Variants in PDE11A observed in about 807,000 individuals in gnomAD.
PDE11A encodes the protein dual 3',5'-cyclic-AMP and -GMP phosphodiesterase 11A.
In PDE11A, 100 loss-of-function variants were observed where a neutral mutation model predicts 100.5. That is an observed-to-expected ratio of 1.00 (90% confidence interval 0.85 to 1.18). The LOEUF is 1.18. Ranked by LOEUF, PDE11A falls within the 50% of genes most tolerant of loss-of-function variation. The pLI, the probability that PDE11A is intolerant of heterozygous loss-of-function variation, is 0.00. For missense variants in PDE11A, 1,141 were observed against 1,152.6 expected (o/e 0.99, Z 0.15); for synonymous variants, 381 against 420.8 (o/e 0.91, Z 1.16).
At chr2:177,756,691 C>T (rs1215206034) in intron 10 of PDE11A, among the ~76,000 whole-genome samples, 1 of 152,190 alleles carries the variant, frequency 6.6e-6, no homozygotes, top group Non-Finnish European at 1.5e-5. Flanking sequence ...TCACTCAGCA[C>T]AGGAATTGTT....
chr2:177,767,518 A>G (rs1319276877), intron 10 of PDE11A, among the ~76,000 whole-genome samples: 3 of 152,208 alleles, frequency 2.0e-5, no homozygotes, highest in Non-Finnish European at 4.4e-5. Flanking sequence ...TAAACATTAC[A>G]TTAGCATTTT....
chr2:177,936,049 T>C (rs987784634), intron 2 of PDE11A, among the ~76,000 whole-genome samples: 6 of 152,172 alleles, frequency 3.9e-5, no homozygotes, highest in Non-Finnish European at 8.8e-5. Context: ...TTCTAAGACA[T>C]CTATGTATTT....
At chr2:177,668,450 G>A (rs1364804350) in intron 18 of PDE11A, among the ~76,000 whole-genome samples, 3 of 152,154 alleles carry the variant, frequency 2.0e-5, no homozygotes, top group Non-Finnish European at 4.4e-5. Flanking sequence ...AAAAAGGGAT[G>A]TTTTGAGAAA....
chr2:177,933,036 C>A (rs954238915), intron 2 of PDE11A, among the ~76,000 whole-genome samples: 1 of 149,776 alleles, frequency 6.7e-6, no homozygotes, highest in Non-Finnish European at 1.5e-5. Flanking sequence ...AAGCTGAGAG[C>A]CAAATCAAGA....
At chr2:177,679,825 T>G (rs1479176626) in intron 16 of PDE11A, among the ~76,000 whole-genome samples, 3 of 151,640 alleles carry the variant, frequency 2.0e-5, no homozygotes, top group African/African-American at 7.3e-5. Context: ...TAGAGCCAGG[T>G]TGGGGTAAGG....
intron 2 of PDE11A, among the ~76,000 whole-genome samples, chr2:177,919,334 T>C (rs2085003380): frequency 6.6e-6 from 1 of 152,102 alleles, no homozygotes; most frequent in South Asian, 2.1e-4. Flanking sequence ...TTTGACCTCG[T>C]GATCCGCCCA....
intron 1 of PDE11A, among the ~76,000 whole-genome samples, chr2:178,070,686 A>G (rs2087114420): frequency 6.6e-6 from 1 of 152,238 alleles, no homozygotes; most frequent in African/African-American, 2.4e-5. Context: ...AAAGGCTCAG[A>G]AAACCCAGAT....
At chr2:178,067,434 C>A (rs1197745083) in intron 1 of PDE11A, among the ~76,000 whole-genome samples, 1 of 152,126 alleles carries the variant, frequency 6.6e-6, no homozygotes, top group Non-Finnish European at 1.5e-5. Context: ...CATATATATG[C>A]AATATGCAAT....
At chr2:177,985,459 A>AT (rs372045661) in intron 2 of PDE11A, among the ~76,000 whole-genome samples, 2 of 152,224 alleles carry the variant, frequency 1.3e-5, no homozygotes, top group African/African-American at 4.8e-5. Context: ...GAACACAGGC[A>AT]TAACAGAGGT....
At chr2:177,755,078 A>C (rs1335358965) in intron 10 of PDE11A, among the ~76,000 whole-genome samples, 2 of 152,192 alleles carry the variant, frequency 1.3e-5, no homozygotes, top group Non-Finnish European at 2.9e-5. Flanking sequence ...ACAGTGTTCA[A>C]ACACAAGAGA....
At chr2:178,062,298 T>G (rs1321093542) in intron 1 of PDE11A, among the ~76,000 whole-genome samples, 1 of 140,674 alleles carries the variant, frequency 7.1e-6, no homozygotes, top group African/African-American at 2.7e-5. Context: ...GATGGGGAAG[T>G]GAGAGAATCT....
At chr2:177,953,536 C>T (rs137952557) in intron 2 of PDE11A, among the ~76,000 whole-genome samples, 52 of 152,274 alleles carry the variant, frequency 3.4e-4, no homozygotes, top group African/African-American at 1.2e-3. Flanking sequence ...ACTGAGAAAG[C>T]ATTATGACTA....
At chr2:177,671,021 T>C (rs552139804) in intron 17 of PDE11A, among the ~76,000 whole-genome samples, 156 of 152,318 alleles carry the variant, frequency 1.0e-3, no homozygotes, top group Non-Finnish European at 1.8e-3. Context: ...CAGGCTTCTC[T>C]CTTCTTTCTC....
intron 6 of PDE11A, among the ~76,000 whole-genome samples, chr2:177,836,810 G>A (rs1232456791): frequency 6.6e-6 from 1 of 152,146 alleles, no homozygotes; most frequent in Non-Finnish European, 1.5e-5. Context: ...CACCTGAAGA[G>A]CTGTAACACT....
intron 10 of PDE11A, among the ~76,000 whole-genome samples, chr2:177,759,482 A>T (rs1558924401): frequency 6.6e-6 from 1 of 152,200 alleles, no homozygotes; most frequent in Non-Finnish European, 1.5e-5. Flanking sequence ...CAAGTGCTTT[A>T]TCATGAAACT....
At chr2:177,944,814 C>T (rs571119264) in intron 2 of PDE11A, among the ~76,000 whole-genome samples, 2 of 123,996 alleles carry the variant, frequency 1.6e-5, no homozygotes, top group African/African-American at 5.8e-5. Context: ...CTCTCCCTCT[C>T]CCTCTCCCTC....
At chr2:177,804,972 T>C (rs1459214701) in intron 9 of PDE11A, among the ~76,000 whole-genome samples, 2 of 151,774 alleles carry the variant, frequency 1.3e-5, no homozygotes, top group East Asian at 3.9e-4. Flanking sequence ...AAATTACCTA[T>C]TAGATACAAT....
At chr2:177,908,366 T>C (rs2084823829) in intron 2 of PDE11A, among the ~76,000 whole-genome samples, 2 of 152,104 alleles carry the variant, frequency 1.3e-5, no homozygotes, top group Admixed American at 1.3e-4. Flanking sequence ...AGGGAAATCC[T>C]AGGTAGAGAG....
In PDE11A at chr2:177,982,116, C is replaced by T. The variant is rs754325020; in HGVS notation, c.1071+32186G>A. ...TGTACTAATCACGAATGGAAGAGAA[C>T]GGCTCTTTAATGGAACTTCAATGAA... On this transcript the variant is annotated intron_variant, in intron 2 of 19. Coordinates refer to ENST00000286063, the MANE Select transcript of PDE11A (RefSeq NM_016953.4). Among the ~76,000 whole-genome samples, 10 of 150,972 alleles carry T rather than the reference C, an allele frequency of 6.6e-5. 1 individual carries two copies. The highest frequency in any genetic ancestry group is 1.2e-4 in the Non-Finnish European group (8 of 67,390).
Sources: gnomAD v4.1 joint callset for allele counts (sites outside exome capture counted in the v4.1 genomes callset) on GRCh38, gnomAD v4.1.1 for gene constraint, MANE v1.5 for transcripts, NCBI Gene and HGNC (gene_info 2026-07-23, HGNC 2026-07-21) for gene names.